CHKA: variants seen among roughly 807,000 people sequenced by gnomAD.
CHKA encodes choline kinase alpha.
A neutral mutation model predicts 60.1 loss-of-function variants in CHKA; 34 were observed. The observed-to-expected ratio is 0.57, with a 90% CI of 0.43 to 0.75. The LOEUF (loss-of-function observed/expected upper bound fraction) is 0.75, where lower values mean the gene tolerates loss of function less well. Among genes scored for constraint, CHKA ranks in the 30% least tolerant of loss-of-function variants. The pLI, the probability that CHKA is intolerant of heterozygous loss-of-function variation, is 0.00. For missense variants in CHKA, 563 were observed against 561.3 expected, an observed-to-expected ratio of 1.00 and a Z score of -0.03; for synonymous variants, 217 against 223.1, an observed-to-expected ratio of 0.97 and a Z score of 0.24.
intron 11 of CHKA, among the ~76,000 whole-genome samples, chr11:68,055,118 C>T (rs1196379469): frequency 6.6e-6 from 1 of 152,146 alleles, no homozygotes; most frequent in African/African-American, 2.4e-5. Context: ...GCAGACCGGG[C>T]GAGGTGGCTC....
At chr11:68,056,652 G>C (rs1301804658) in intron 11 of CHKA, among the ~76,000 whole-genome samples, 1 of 152,188 alleles carries the variant, frequency 6.6e-6, no homozygotes, top group East Asian at 1.9e-4. Flanking sequence ...CACAGGGACA[G>C]AAGCTCCTGT....
chr11:68,074,879 G>A (rs368837965), intron 3 of CHKA, 49 bp from the exon 4 acceptor site: 37 of 1,570,340 alleles, frequency 2.4e-5, no homozygotes, highest in African/African-American at 2.7e-5. Flanking sequence ...TTTGCTAAGC[G>A]CCAGGCATCA....
chr11:68,064,706 G>A (rs1485136897), intron 9 of CHKA, 75 bp from the exon 10 acceptor site: 1 of 832,238 alleles, frequency 1.2e-6, no homozygotes, highest in Non-Finnish European at 2.0e-6. Flanking sequence ...CTAAGCATAT[G>A]CATCTACTGT....
intron 1 of CHKA, among the ~76,000 whole-genome samples, chr11:68,106,751 G>A (rs1315423237): frequency 6.6e-6 from 1 of 152,176 alleles, no homozygotes; most frequent in Non-Finnish European, 1.5e-5. Flanking sequence ...AAAGGTTAAT[G>A]TTTAAGAGGA....
intron 2 of CHKA, among the ~76,000 whole-genome samples, chr11:68,084,920 T>C (rs997523075): frequency 7.2e-5 from 11 of 152,154 alleles, no homozygotes; most frequent in African/African-American, 9.6e-5. Flanking sequence ...AAAATAAACA[T>C]TGAAATTTCA....
intron 9 of CHKA, among the ~76,000 whole-genome samples, chr11:68,065,277 T>A (rs1856403096): frequency 6.6e-6 from 1 of 152,228 alleles, no homozygotes; most frequent in Admixed American, 6.5e-5. Flanking sequence ...AGCTCTTCTC[T>A]GAATACAAGT....
chr11:68,061,103 T>G (rs1015078898), intron 11 of CHKA, among the ~76,000 whole-genome samples: 3 of 139,326 alleles, frequency 2.2e-5, no homozygotes, highest in South Asian at 2.4e-4. Flanking sequence ...CAGTTTTTTT[T>G]TTTTTTTTTT....
At chr11:68,116,724 A>AG (rs1028035723) in intron 1 of CHKA, among the ~76,000 whole-genome samples, 28 of 152,240 alleles carry the variant, frequency 1.8e-4, no homozygotes, top group East Asian at 5.8e-4. Context: ...TAAAAAAAAA[A>AG]AAAGAAAGAA....
chr11:68,102,068 C>G (rs1337135617), intron 1 of CHKA, among the ~76,000 whole-genome samples: 4 of 151,054 alleles, frequency 2.6e-5, no homozygotes, highest in African/African-American at 9.8e-5. Flanking sequence ...CCACTGCACT[C>G]CAGCCTGGGT....
intron 1 of CHKA, among the ~76,000 whole-genome samples, chr11:68,109,336 G>A (rs979660613): frequency 3.3e-5 from 5 of 151,896 alleles, no homozygotes; most frequent in South Asian, 4.2e-4. Flanking sequence ...TGATCCTCCC[G>A]CCTCAGGCTC....
rs138605523 is a variant in CHKA, at chr11:68,109,049, G to A, written c.350+11779C>T. Among the ~76,000 whole-genome samples, 571 of 151,130 alleles carry A rather than the reference G, an allele frequency of 3.8e-3. 4 individuals are homozygous for A. Among genetic ancestry groups the A allele is most frequent in the African/African-American group, 0.013 (519 of 41,222 alleles). Reference sequence around the variant, plus strand: ...AAAAAATCCCTTCATGCTTCCAGCAGAGGGAGGGGCAAAGAAACCTTTCCT... The same window carrying A: ...AAAAAATCCCTTCATGCTTCCAGCAAAGGGAGGGGCAAAGAAACCTTTCCT... On this transcript the variant is annotated intron_variant, in intron 1 of 11. Transcript: ENST00000265689.
intron 1 of CHKA, among the ~76,000 whole-genome samples, chr11:68,105,066 T>C (rs1331937544): frequency 2.0e-5 from 3 of 151,444 alleles, no homozygotes; most frequent in Non-Finnish European, 2.9e-5. Context: ...ATCGTACCAT[T>C]GCACTCCAGC....
chr11:68,110,070 C>A (rs969522090), intron 1 of CHKA, among the ~76,000 whole-genome samples: 1 of 152,144 alleles, frequency 6.6e-6, no homozygotes, highest in African/African-American at 2.4e-5. Flanking sequence ...AAATCCAACA[C>A]CCACTCATGG....
At chr11:68,106,991 T>C (rs764343418) in intron 1 of CHKA, among the ~76,000 whole-genome samples, 4 of 152,168 alleles carry the variant, frequency 2.6e-5, no homozygotes, top group Admixed American at 6.5e-5. Flanking sequence ...TGGTGGATCA[T>C]ACCTGTAATC....
chr11:68,101,504 T>C (rs749463566), intron 1 of CHKA, among the ~76,000 whole-genome samples: 3 of 152,080 alleles, frequency 2.0e-5, no homozygotes, highest in Non-Finnish European at 4.4e-5. Flanking sequence ...AGTAGCAGTA[T>C]TATTTCTAAA....
At chr11:68,113,031 A>G (rs1858226789) in intron 1 of CHKA, among the ~76,000 whole-genome samples, 1 of 137,420 alleles carries the variant, frequency 7.3e-6, no homozygotes. Flanking sequence ...GCAGTGAGCC[A>G]AGATCGCACC....
At chr11:68,104,318 G>C (rs951752695) in intron 1 of CHKA, among the ~76,000 whole-genome samples, 2 of 152,090 alleles carry the variant, frequency 1.3e-5, no homozygotes, top group African/African-American at 4.8e-5. Context: ...GTGCTTACCA[G>C]AGGCGAGGGG....
At chr11:68,066,918 G>T (rs762224264) in intron 7 of CHKA, among the ~76,000 whole-genome samples, 19 of 152,328 alleles carry the variant, frequency 1.2e-4, no homozygotes, top group Admixed American at 5.2e-4. Flanking sequence ...AGGCCAGCTG[G>T]CTGCAGCACT....
intron 1 of CHKA, among the ~76,000 whole-genome samples, chr11:68,106,910 C>T (rs1857934782): frequency 6.6e-6 from 1 of 152,090 alleles, no homozygotes; most frequent in Non-Finnish European, 1.5e-5. Flanking sequence ...AGCAACACTG[C>T]CCTCTATTCA....
Sources: allele counts gnomAD v4.1 joint callset (sites outside exome capture counted in the v4.1 genomes callset), GRCh38; gene constraint gnomAD v4.1.1; transcripts MANE v1.5; gene names NCBI Gene and HGNC (gene_info 2026-07-23, HGNC 2026-07-21).